PARD6A: variants seen among roughly 807,000 people sequenced by gnomAD.
PARD6A encodes partitioning defective 6 homolog alpha.
In PARD6A, 20 loss-of-function variants were observed where a neutral mutation model predicts 21.3. The observed-to-expected ratio is 0.94, with a 90% CI of 0.66 to 1.36. PARD6A has a LOEUF of 1.36. PARD6A is among the 40% of genes most tolerant of loss of function. PARD6A has a pLI of 0.00. For synonymous variants in PARD6A, 214 were observed against 204.8 expected (o/e 1.04, Z -0.38); for missense variants, 411 against 482.0 (o/e 0.85, Z 1.38).
At position 67,662,604 on chromosome 16, in the gene PARD6A, G is replaced by C; in HGVS notation, c.995G>C (p.Trp332Ser). 2 of 1,605,326 alleles carry C rather than the reference G, an allele frequency of 1.2e-6. No homozygotes were observed. The highest frequency in any genetic ancestry group is 1.1e-5 in the South Asian group (1 of 90,406). Residue 332 changes from tryptophan to serine, a missense_variant, in exon 3 of 3, where the codon TGG becomes TCG. Coordinates refer to ENST00000458121, the MANE Select transcript of PARD6A (RefSeq NM_001037281.2). This position sits in a 1 kb window ranked among gnomAD's most constrained non-coding sequence, Gnocchi z 6.9. The part of the protein sequence containing the change: ...LDDQEQASSG[W>S]GSRIRGDGSG... ...GACCAGGAGCAGGCCAGTTCTGGCT[G>C]GGGGAGTCGCATTCGAGGAGATGGT...
rs1159432661 is a variant in PARD6A, at chr16:67,662,280, G to A, written c.671G>A (p.Gly224Glu). 3 of 1,614,090 alleles carry A rather than the reference G, an allele frequency of 1.9e-6. No homozygotes were observed. The highest frequency in any genetic ancestry group is 2.2e-5 in the South Asian group (2 of 91,080). The change falls in exon 3 of 3, where the codon GGG becomes GAG. Residue 224 changes from glycine (G) to glutamate (E), a missense_variant. Transcript: ENST00000458121. The surrounding 1 kb of genome is among the most constrained non-coding windows in gnomAD (Gnocchi z 6.9). ...ILEVNGIEVA[G>E]KTLDQVTDMM... ...GAGGTCAATGGCATTGAAGTAGCCG[G>A]GAAGACCTTGGACCAAGTGACGGAC...
rs2053008216 is a variant in PARD6A, at chr16:67,661,183, C to T, written c.63+82C>T. ...CCCAGCTCCTTGGTCCCCGCCACCTCTTCCCTCTATCCTCCAAGTCCCATT... is the reference window on the plus strand; with the variant it reads ...CCCAGCTCCTTGGTCCCCGCCACCTTTTCCCTCTATCCTCCAAGTCCCATT... On this transcript the variant is annotated intron_variant, in intron 1 of 2. Coordinates refer to ENST00000458121, the MANE Select transcript of PARD6A (RefSeq NM_001037281.2). This position sits in a 1 kb window ranked among gnomAD's most constrained non-coding sequence, Gnocchi z 7.0. 8.0e-7 allele frequency: 1 copy of T among 1,248,838 alleles called. No homozygotes were observed. The highest frequency in any genetic ancestry group is 1.2e-6 in the Non-Finnish European group (1 of 852,068). 77.4% of individuals were successfully genotyped at this position (1,248,838 alleles called of 1,614,324 possible).
Position 67,661,831 on chromosome 16 carries a change from C to G in PARD6A, c.287-65C>G. The G allele has an allele frequency of 2.0e-6, 3 of 1,537,664 alleles. No individual in the cohort carries two copies. The highest frequency in any genetic ancestry group is 2.6e-6 in the Non-Finnish European group (3 of 1,149,564). ...AGTGGTAGGAAATAGCTACAGTGCC[C>G]CCTGTAAACAGCCCAAGTCGGGGAG... On this transcript the variant is annotated intron_variant, in intron 2 of 2. Coordinates refer to ENST00000458121, the MANE Select transcript of PARD6A (RefSeq NM_001037281.2). The surrounding 1 kb of genome is among the most constrained non-coding windows in gnomAD (Gnocchi z 7.0).
Position 67,661,626 on chromosome 16 carries a change from C to A in PARD6A, c.235C>A (p.Arg79=). The A allele has an allele frequency of 1.9e-6, 3 of 1,606,784 alleles. No homozygotes were observed. Among genetic ancestry groups the A allele is most frequent in the Non-Finnish European group, 2.5e-6 (3 of 1,179,804 alleles). The change falls in exon 2 of 3, where the codon CGG becomes AGG. Residue 79 remains arginine (R), a synonymous_variant. Transcript: ENST00000458121. The surrounding 1 kb of genome is among the most constrained non-coding windows in gnomAD (Gnocchi z 7.0). ...LPLTNDDSLH[R]ALASGPPPLR... ...CCTCACCAACGACGACAGCCTGCAC[C>A]GGGCCCTGGCCAGCGGGCCCCCGCC...
chr16:67,662,324 C>A lies in PARD6A; in HGVS notation c.715C>A (p.His239Asn). 6.2e-7 allele frequency: 1 copy of A among 1,614,128 alleles called. No individual in the cohort carries two copies. Among genetic ancestry groups the A allele is most frequent in the Non-Finnish European group, 8.5e-7 (1 of 1,180,040 alleles). ...GACGGACATGATGGTTGCCAACAGC[C>A]ATAACCTCATTGTCACTGTCAAGCC... ...QVTDMMVANS[H>N]NLIVTVKPAN... Residue 239 changes from histidine to asparagine, a missense_variant, in exon 3 of 3, where the codon CAT (histidine) becomes AAT (asparagine). His to Asn is a moderately conservative substitution (Grantham distance 68). Coordinates refer to ENST00000458121, the MANE Select transcript of PARD6A (RefSeq NM_001037281.2). This position sits in a 1 kb window ranked among gnomAD's most constrained non-coding sequence, Gnocchi z 6.9.
In PARD6A at chr16:67,661,590, G is replaced by A. The variant is rs761225834; in HGVS notation, c.199G>A (p.Asp67Asn). The A allele has an allele frequency of 4.3e-6, 7 of 1,609,700 alleles. No homozygotes were observed. The highest frequency in any genetic ancestry group is 5.9e-6 in the Non-Finnish European group (7 of 1,179,942). The change falls in exon 2 of 3, where the codon GAC (aspartate) becomes AAC (asparagine). Residue 67 changes from aspartate to asparagine, a missense_variant. Physicochemically the swap from Asp to Asn is conservative, Grantham distance 23. Coordinates refer to ENST00000458121, the MANE Select transcript of PARD6A (RefSeq NM_001037281.2). This position sits in a 1 kb window ranked among gnomAD's most constrained non-coding sequence, Gnocchi z 7.0. ...VLLGYTDAHG[D>N]LLPLTNDDSL... ...ACTTGGCTATACGGATGCTCATGGC[G>A]ACCTGCTGCCCCTCACCAACGACGA...
Position 67,662,441 on chromosome 16 carries a change from G to A in PARD6A, c.832G>A (p.Asp278Asn), listed in dbSNP as rs1180617014. Residue 278 changes from aspartate (D) to asparagine (N), a missense_variant, in exon 3 of 3, where the codon GAC becomes AAC. By Grantham distance (23) the Asp-to-Asn change is conservative (BLOSUM62 1). Coordinates refer to ENST00000458121, the MANE Select transcript of PARD6A (RefSeq NM_001037281.2). The surrounding 1 kb of genome is among the most constrained non-coding windows in gnomAD (Gnocchi z 6.9). The part of the protein sequence containing the change: ...AGPGPAEPDS[D>N]DDSSDLVIEN... Reference sequence around the variant, plus strand: ...GCCTGGGCCTGCTGAGCCTGATAGTGACGATGACAGCAGTGACCTGGTCAT... The same window carrying A: ...GCCTGGGCCTGCTGAGCCTGATAGTAACGATGACAGCAGTGACCTGGTCAT... 1 of 1,613,722 alleles carries A rather than the reference G, an allele frequency of 6.2e-7. No individual in the cohort carries two copies. Among genetic ancestry groups the A allele is most frequent in the Admixed American group, 1.7e-5 (1 of 60,022 alleles).
Position 67,661,527 on chromosome 16 carries a change from C to T in PARD6A, c.136C>T (p.Leu46=). 1 of 1,610,218 alleles carries T rather than the reference C, an allele frequency of 6.2e-7. No homozygotes were observed. The change falls in exon 2 of 3, where the codon CTG becomes TTG. Residue 46 remains leucine, a synonymous_variant. Coordinates refer to ENST00000458121, the MANE Select transcript of PARD6A (RefSeq NM_001037281.2). The surrounding 1 kb of genome is among the most constrained non-coding windows in gnomAD (Gnocchi z 7.0). ...CGGCTTCCAGGAGTTCTCGCGGTTG[C>T]TGCGGGCGGTGCACCAGATCCCGGG... is the stretch of plus-strand genomic sequence containing the variant. ...VSGFQEFSRL[L]RAVHQIPGLD...
In PARD6A at chr16:67,661,734, T is replaced by C. The variant is rs1356554541; in HGVS notation, c.286+57T>C. 6.3e-7 allele frequency: 1 copy of C among 1,582,916 alleles called. No homozygotes were observed. Among genetic ancestry groups the C allele is most frequent in the East Asian group, 2.2e-5 (1 of 44,458 alleles). ...GGGTAAGGTGTCTGTGGGGCAGGTC[T>C]ACAAGGGTTAGTCCATGCCCAGGGT... is the stretch of plus-strand genomic sequence containing the variant. On this transcript the variant is annotated intron_variant, in intron 2 of 2. Transcript: ENST00000458121. This position sits in a 1 kb window ranked among gnomAD's most constrained non-coding sequence, Gnocchi z 7.0.
At position 67,660,999 on chromosome 16, in the gene PARD6A, G is replaced by A. The variant is rs1349299745; in HGVS notation, c.-40G>A. On this transcript the variant is annotated 5_prime_UTR_variant, in exon 1 of 3. Coordinates refer to ENST00000458121, the MANE Select transcript of PARD6A (RefSeq NM_001037281.2). The stretch of plus-strand genomic sequence containing the variant: ...CGGGCTGTGCACCTGCGCCTCGGCG[G>A]GCCGCCTGGGGCACCGTCCCCGGCC... 2.0e-5 allele frequency: 23 copies of A among 1,134,920 alleles called. No individual in the cohort carries two copies. Among genetic ancestry groups the A allele is most frequent in the African/African-American group, 3.3e-5 (2 of 60,422 alleles). 70.3% of individuals were successfully genotyped at this position (1,134,920 alleles called of 1,614,324 possible).
rs1211474545 is a variant in PARD6A at position 67,662,512 on chromosome 16, C to A, written c.903C>A (p.Pro301=). The part of the protein sequence containing the change: ...PPSSNGLSQG[P]PCWDLHPGCR... ...GTTCCAATGGGCTGTCTCAGGGGCCCCCGTGCTGGGACCTGCACCCTGGCT... is the reference window on the plus strand; with the variant it reads ...GTTCCAATGGGCTGTCTCAGGGGCCACCGTGCTGGGACCTGCACCCTGGCT... Residue 301 remains proline (P), a synonymous_variant, in exon 3 of 3, where the codon CCC becomes CCA. Transcript: ENST00000458121. The surrounding 1 kb of genome is among the most constrained non-coding windows in gnomAD (Gnocchi z 6.9). 12 of 1,613,414 alleles carry A rather than the reference C, an allele frequency of 7.4e-6. No homozygotes were observed. The highest frequency in any genetic ancestry group is 9.3e-6 in the Non-Finnish European group (11 of 1,180,004).
Position 67,661,531 on chromosome 16 carries a change from G to T in PARD6A, c.140G>T (p.Arg47Leu). The change falls in exon 2 of 3, where the codon CGG becomes CTG. Residue 47 changes from arginine to leucine, a missense_variant. Coordinates refer to ENST00000458121, the MANE Select transcript of PARD6A (RefSeq NM_001037281.2). The surrounding 1 kb of genome is among the most constrained non-coding windows in gnomAD (Gnocchi z 7.0). ...SGFQEFSRLL[R>L]AVHQIPGLDV... ...TTCCAGGAGTTCTCGCGGTTGCTGC[G>T]GGCGGTGCACCAGATCCCGGGCCTG... The T allele has an allele frequency of 6.2e-7, 1 of 1,610,246 alleles. No individual in the cohort carries two copies. The highest frequency in any genetic ancestry group is 8.5e-7 in the Non-Finnish European group (1 of 1,179,982).
At position 67,661,783 on chromosome 16, in the gene PARD6A, C is replaced by G; in HGVS notation, c.286+106C>G. On this transcript the variant is annotated intron_variant, in intron 2 of 2. Transcript: ENST00000458121. This position sits in a 1 kb window ranked among gnomAD's most constrained non-coding sequence, Gnocchi z 7.0. ...GTACCCAAGCGTCACCCTCTGCAGT[C>G]CCTGCCCTTGGCTTGACCTCTAAGT... The G allele has an allele frequency of 6.5e-7, 1 of 1,546,382 alleles. No individual in the cohort carries two copies. Among genetic ancestry groups the G allele is most frequent in the Non-Finnish European group, 8.7e-7 (1 of 1,152,944 alleles).
At position 67,661,469 on chromosome 16, in the gene PARD6A, C is replaced by T. The variant is rs762278947; in HGVS notation, c.78C>T (p.Phe26=). Residue 26 remains phenylalanine, a synonymous_variant, in exon 2 of 3, where the codon TTC becomes TTT. Transcript: ENST00000458121. This position sits in a 1 kb window ranked among gnomAD's most constrained non-coding sequence, Gnocchi z 7.0. ...VEVKSKFDAE[F]RRFALPRASV... Reference sequence around the variant, plus strand: ...CCGACTTCCAGTTTGACGCCGAGTTCCGACGCTTCGCGCTGCCTCGCGCTT... The same window carrying T: ...CCGACTTCCAGTTTGACGCCGAGTTTCGACGCTTCGCGCTGCCTCGCGCTT... 43 of 1,607,954 alleles carry T rather than the reference C, an allele frequency of 2.7e-5. No individual in the cohort carries two copies. The Admixed American group carries it at 6.2e-4, about 23-fold the overall frequency.
chr16:67,661,578 G>A lies in PARD6A; in HGVS notation c.187G>A (p.Asp63Asn), dbSNP rs1178682433. The change falls in exon 2 of 3, where the codon GAT becomes AAT. Residue 63 changes from aspartate to asparagine, a missense_variant. Transcript: ENST00000458121. The surrounding 1 kb of genome is among the most constrained non-coding windows in gnomAD (Gnocchi z 7.0). The part of the protein sequence containing the change: ...PGLDVLLGYT[D>N]AHGDLLPLTN... Reference sequence around the variant, plus strand: ...CCTGGACGTGCTACTTGGCTATACGGATGCTCATGGCGACCTGCTGCCCCT... The same window carrying A: ...CCTGGACGTGCTACTTGGCTATACGAATGCTCATGGCGACCTGCTGCCCCT... The A allele has an allele frequency of 8.1e-6, 13 of 1,610,186 alleles. No individual in the cohort carries two copies. The highest frequency in any genetic ancestry group is 1.1e-5 in the Non-Finnish European group (13 of 1,179,962).
chr16:67,662,566 G>A lies in PARD6A; in HGVS notation c.957G>A (p.Leu319=). Residue 319 remains leucine, a synonymous_variant, in exon 3 of 3, where the codon CTG becomes CTA. Transcript: ENST00000458121. This position sits in a 1 kb window ranked among gnomAD's most constrained non-coding sequence, Gnocchi z 6.9. ...GACATCCTGGTACCCGCAGCTCTCTGCCCTCCCTGGATGACCAGGAGCAGG... is the reference window on the plus strand; with the variant it reads ...GACATCCTGGTACCCGCAGCTCTCTACCCTCCCTGGATGACCAGGAGCAGG... ...GCRHPGTRSS[L]PSLDDQEQAS... is the part of the protein sequence containing the mutation. 1.2e-6 allele frequency: 2 copies of A among 1,612,782 alleles called. No homozygotes were observed. Among genetic ancestry groups the A allele is most frequent in the Non-Finnish European group, 1.7e-6 (2 of 1,179,910 alleles).
Position 67,661,551 on chromosome 16 carries a change from G to T in PARD6A, c.160G>T (p.Gly54Cys), listed in dbSNP as rs779770932. 5 of 1,610,422 alleles carry T rather than the reference G, an allele frequency of 3.1e-6. No individual in the cohort carries two copies. The African/African-American group carries it at 6.7e-5, about 21-fold the overall frequency. ...GCTGCGGGCGGTGCACCAGATCCCGGGCCTGGACGTGCTACTTGGCTATAC... is the reference window on the plus strand; with the variant it reads ...GCTGCGGGCGGTGCACCAGATCCCGTGCCTGGACGTGCTACTTGGCTATAC... ...RLLRAVHQIPGLDVLLGYTDA... is the reference protein window; with the variant it reads ...RLLRAVHQIPCLDVLLGYTDA... Residue 54 changes from glycine (G) to cysteine (C), a missense_variant, in exon 2 of 3, where the codon GGC (glycine) becomes TGC (cysteine). Gly to Cys is a radical substitution (Grantham distance 159, BLOSUM62 -3). Transcript: ENST00000458121. This position sits in a 1 kb window ranked among gnomAD's most constrained non-coding sequence, Gnocchi z 7.0.
In PARD6A at chr16:67,661,690, A is replaced by G. The variant is rs920076949; in HGVS notation, c.286+13A>G. On this transcript the variant is annotated intron_variant, in intron 2 of 2. Transcript: ENST00000458121. This position sits in a 1 kb window ranked among gnomAD's most constrained non-coding sequence, Gnocchi z 7.0. ...GTGCAGAAGCGGGGTGAGGAGGGGT[A>G]CAGTGGGCAGCCTCTGTGGGGTAAG... The G allele has an allele frequency of 2.1e-5, 33 of 1,604,374 alleles. No individual in the cohort carries two copies. The highest frequency in any genetic ancestry group is 2.6e-5 in the Non-Finnish European group (31 of 1,179,282).
At position 67,661,923 on chromosome 16, in the gene PARD6A, C is replaced by T. The variant is rs2142980884; in HGVS notation, c.314C>T (p.Ala105Val). Residue 105 changes from alanine to valine, a missense_variant, in exon 3 of 3, where the codon GCC (alanine) becomes GTC (valine). Transcript: ENST00000458121. The surrounding 1 kb of genome is among the most constrained non-coding windows in gnomAD (Gnocchi z 7.0). ...READSSGLAFASNSLQRRKKG... is the reference protein window; with the variant it reads ...READSSGLAFVSNSLQRRKKG... ...GCTGACTCCAGCGGCCTGGCTTTTGCCTCCAACTCTCTGCAGCGGCGCAAG... is the reference window on the plus strand; with the variant it reads ...GCTGACTCCAGCGGCCTGGCTTTTGTCTCCAACTCTCTGCAGCGGCGCAAG... The T allele has an allele frequency of 6.2e-7, 1 of 1,604,790 alleles. No individual in the cohort carries two copies.
Sources: gnomAD v4.1 joint callset for allele counts on GRCh38, gnomAD v4.1.1 for gene constraint, Gnocchi (gnomAD v3.1) non-coding constraint, MANE v1.5 for transcripts, NCBI Gene and HGNC (gene_info 2026-07-23, HGNC 2026-07-21) for gene names.